EPB41L3: variants seen among roughly 807,000 people sequenced by gnomAD.
EPB41L3 encodes the protein band 4.1-like protein 3.
Under a neutral mutation model 127.1 loss-of-function variants are expected in EPB41L3, and 57 were observed. The ratio of observed to expected loss-of-function variants is 0.45; its 90% CI spans 0.36 to 0.56. The LOEUF is 0.56. Among genes scored for constraint, EPB41L3 ranks in the 20% least tolerant of loss-of-function variants. The pLI is 0.00. For synonymous variants in EPB41L3, 572 were observed against 549.5 expected (o/e 1.04, Z -0.57); for missense variants, 1,273 against 1,372.2 (o/e 0.93, Z 1.14).
chr18:5,398,495 T>C (rs1598432961), intron 16 of EPB41L3: 3 of 403,776 alleles, frequency 7.4e-6, no homozygotes, highest in Non-Finnish European at 1.3e-5. Flanking sequence ...GCGGTATTGA[T>C]TTAACCATGA....
At chr18:5,408,668 A>G (rs1223719579) in intron 14 of EPB41L3, among the ~76,000 whole-genome samples, 1 of 151,894 alleles carries the variant, frequency 6.6e-6, no homozygotes, top group African/African-American at 2.4e-5. Context: ...TTTTAAAAGA[A>G]GTCAGCTACT....
At chr18:5,608,469 G>A (rs2094688495) in intron 3 of EPB41L3, among the ~76,000 whole-genome samples, 1 of 152,184 alleles carries the variant, frequency 6.6e-6, no homozygotes, top group South Asian at 2.1e-4. Context: ...CAGAGTTGGG[G>A]AGGAGAAAAT....
At chr18:5,566,018 G>A (rs955418078) in intron 3 of EPB41L3, among the ~76,000 whole-genome samples, 61 of 151,960 alleles carry the variant, frequency 4.0e-4, no homozygotes, top group African/African-American at 1.4e-3. Flanking sequence ...ATACTGAATG[G>A]GCAAAAACTG....
At position 5,402,688 on chromosome 18, in the gene EPB41L3, ATTCACTTTT is replaced by A. The variant is rs1212297139; in HGVS notation, c.2349+4080_2349+4088del. ...CTGATAAAGAAAAGGTGATCTAAAA[ATTCACTTTT>A]ATCAGGGGTTAGGATATAGTCAGAT... On this transcript the variant is annotated intron_variant, in intron 16 of 22. Transcript: ENST00000341928. Among the ~76,000 whole-genome samples, 3 of 152,172 alleles carry A rather than the reference ATTCACTTTT, an allele frequency of 2.0e-5. No individual in the cohort carries two copies. The East Asian group carries it at 5.8e-4, about 29-fold the overall frequency.
At chr18:5,521,763 A>C (rs2093000426) in intron 1 of EPB41L3, among the ~76,000 whole-genome samples, 1 of 152,206 alleles carries the variant, frequency 6.6e-6, no homozygotes, top group Non-Finnish European at 1.5e-5. Context: ...TAAGTTCTAC[A>C]TGGGCAGGGA....
chr18:5,420,280 T>C, intron 11 of EPB41L3: 1 of 259,590 alleles, frequency 3.9e-6, no homozygotes, highest in East Asian at 1.1e-4. Context: ...AGTCTCGTAG[T>C]GGCCAATTCC....
chr18:5,419,093 AG>A (rs1353366242), intron 12 of EPB41L3, among the ~76,000 whole-genome samples: 3 of 152,264 alleles, frequency 2.0e-5, no homozygotes, highest in Non-Finnish European at 4.4e-5. Context: ...GTGTTAAAAA[AG>A]ATATTTAATT....
chr18:5,425,498 GT>G (rs1351302358), intron 9 of EPB41L3, among the ~76,000 whole-genome samples: 2 of 152,172 alleles, frequency 1.3e-5, no homozygotes, highest in African/African-American at 4.8e-5. Context: ...AATGCCAGGG[GT>G]TATATGGAAG....
chr18:5,519,190 T>C (rs890261691), intron 1 of EPB41L3, among the ~76,000 whole-genome samples: 3 of 152,226 alleles, frequency 2.0e-5, no homozygotes, highest in Non-Finnish European at 4.4e-5. Flanking sequence ...TGCATCACAC[T>C]TGTAGCAAAA....
chr18:5,573,963 T>C (rs918043567), intron 3 of EPB41L3, among the ~76,000 whole-genome samples: 1 of 150,222 alleles, frequency 6.7e-6, no homozygotes, highest in Non-Finnish European at 1.5e-5. Flanking sequence ...CAGGCTGGAG[T>C]GCAATGGCAC....
intron 3 of EPB41L3, among the ~76,000 whole-genome samples, chr18:5,557,273 C>G (rs926287707): frequency 2.0e-5 from 3 of 152,200 alleles, no homozygotes; most frequent in African/African-American, 7.2e-5. Context: ...TTTAAAAAAG[C>G]ATATAAAAAT....
chr18:5,609,455 C>T (rs982222295), intron 3 of EPB41L3, among the ~76,000 whole-genome samples: 6 of 152,230 alleles, frequency 3.9e-5, no homozygotes, highest in African/African-American at 1.4e-4. Flanking sequence ...AGACCACAAC[C>T]CTCCTTCCCA....
intron 3 of EPB41L3, among the ~76,000 whole-genome samples, chr18:5,600,569 C>G (rs1402361977): frequency 6.6e-6 from 1 of 152,092 alleles, no homozygotes; most frequent in East Asian, 1.9e-4. Flanking sequence ...CTAAAACTTA[C>G]ACTAGGTGGA....
intron 3 of EPB41L3, among the ~76,000 whole-genome samples, chr18:5,595,611 G>T (rs1413902511): frequency 2.0e-5 from 3 of 152,160 alleles, no homozygotes; most frequent in African/African-American, 7.2e-5. Context: ...GTAATTGTGT[G>T]AAAGCTCAGA....
intron 9 of EPB41L3, 130 bp from the exon 10 acceptor site, chr18:5,424,489 C>T: frequency 3.1e-6 from 2 of 640,326 alleles, no homozygotes; most frequent in Non-Finnish European, 5.3e-6. Flanking sequence ...TTGCTATATG[C>T]ATAATTCATG....
intron 1 of EPB41L3, among the ~76,000 whole-genome samples, chr18:5,619,633 ACAG>A (rs1218323080): frequency 1.3e-5 from 2 of 152,224 alleles, no homozygotes. Flanking sequence ...CTCTAGACTA[ACAG>A]CTAATCAAAT....
intron 1 of EPB41L3, among the ~76,000 whole-genome samples, chr18:5,526,934 C>T (rs1168422112): frequency 1.3e-5 from 2 of 151,234 alleles, no homozygotes; most frequent in African/African-American, 2.4e-5. Flanking sequence ...ATTTTCCCAG[C>T]ACTGAATAGA....
intron 1 of EPB41L3, among the ~76,000 whole-genome samples, chr18:5,499,312 G>A (rs1598355622): frequency 6.6e-6 from 1 of 152,006 alleles, no homozygotes; most frequent in South Asian, 2.1e-4. Flanking sequence ...ATTGGTATGC[G>A]GTACTACTCT....
chr18:5,470,897 T>C (rs2086014567), intron 3 of EPB41L3, among the ~76,000 whole-genome samples: 1 of 151,960 alleles, frequency 6.6e-6, no homozygotes, highest in Non-Finnish European at 1.5e-5. Flanking sequence ...ACCCAAGGAG[T>C]TGGCTGAAGT....
Sources: allele counts gnomAD v4.1 joint callset (sites outside exome capture counted in the v4.1 genomes callset), GRCh38; gene constraint gnomAD v4.1.1; transcripts MANE v1.5; gene names NCBI Gene and HGNC (gene_info 2026-07-23, HGNC 2026-07-21).